Variants in CSMD1 observed in about 807,000 individuals in gnomAD.
The protein encoded by CSMD1 is CUB and sushi domain-containing protein 1.
A neutral mutation model predicts 417.5 loss-of-function variants in CSMD1; 213 were observed. That is an observed-to-expected ratio of 0.51 (90% CI 0.46 to 0.57). The LOEUF (loss-of-function observed/expected upper bound fraction) is 0.57, where lower values mean the gene tolerates loss of function less well. CSMD1 is among the 20% of genes least tolerant of loss of function. The probability of loss-of-function intolerance (pLI) is 0.00; values close to 1 mark genes in which losing one functional copy is unlikely to be tolerated. For missense variants in CSMD1, 6,923 were observed against 4,529.7 expected, an observed-to-expected ratio of 1.53 and a Z score of -15.17; for synonymous variants, 2,862 against 1,736.8, an observed-to-expected ratio of 1.65 and a Z score of -16.11.
intron 2 of CSMD1, among the ~76,000 whole-genome samples, chr8:4,483,987 C>T (rs1383419082): frequency 2.0e-5 from 3 of 152,070 alleles, no homozygotes; most frequent in African/African-American, 7.2e-5. Context: ...GAGAGCACAG[C>T]CCTGGGAGAA....
At chr8:3,345,320 G>A (rs532775247) in intron 22 of CSMD1, among the ~76,000 whole-genome samples, 20 of 152,198 alleles carry the variant, frequency 1.3e-4, no homozygotes, top group African/African-American at 3.4e-4. Flanking sequence ...AAGCTGAATC[G>A]TAAGATTCTT....
intron 1 of CSMD1, among the ~76,000 whole-genome samples, chr8:4,915,813 G>A (rs1361263391): frequency 1.3e-5 from 2 of 152,154 alleles, no homozygotes; most frequent in African/African-American, 2.4e-5. Context: ...TTGGCATCTT[G>A]GCCACACGGA....
At chr8:4,267,068 T>C (rs1804269920) in intron 3 of CSMD1, among the ~76,000 whole-genome samples, 1 of 104,010 alleles carries the variant, frequency 9.6e-6, no homozygotes, top group African/African-American at 2.6e-5. Flanking sequence ...GAGACAAGAA[T>C]AGAGTGTCTG....
At chr8:3,819,562 G>C (rs992282755) in intron 5 of CSMD1, among the ~76,000 whole-genome samples, 8 of 7,620 alleles carry the variant, frequency 1.0e-3, no homozygotes, top group Middle Eastern at 0.1. Context: ...ACACACACAC[G>C]TATGTATATA....
At chr8:3,163,245 G>A (rs551081785) in intron 37 of CSMD1, among the ~76,000 whole-genome samples, 3 of 152,166 alleles carry the variant, frequency 2.0e-5, no homozygotes, top group African/African-American at 7.2e-5. Flanking sequence ...GTGGAGAAAG[G>A]CTTCTCTTGG....
chr8:4,602,075 A>G (rs1027478682), intron 2 of CSMD1, among the ~76,000 whole-genome samples: 4 of 152,230 alleles, frequency 2.6e-5, no homozygotes, highest in Non-Finnish European at 4.4e-5. Flanking sequence ...AGGATGTATT[A>G]GCAAAGTTAC....
At chr8:2,944,000 T>G (rs1034856824) in intron 68 of CSMD1, among the ~76,000 whole-genome samples, 4 of 152,250 alleles carry the variant, frequency 2.6e-5, no homozygotes, top group Admixed American at 2.6e-4. Flanking sequence ...ATAAAAACTT[T>G]CAAATGACAT....
chr8:3,599,607 C>G (rs1350725808), intron 8 of CSMD1, among the ~76,000 whole-genome samples: 1 of 152,198 alleles, frequency 6.6e-6, no homozygotes, highest in Non-Finnish European at 1.5e-5. Context: ...TGTTAATTAA[C>G]CACTTCATGC....
intron 5 of CSMD1, among the ~76,000 whole-genome samples, chr8:3,976,904 T>A (rs1453428606): frequency 6.6e-6 from 1 of 152,154 alleles, no homozygotes; most frequent in Non-Finnish European, 1.5e-5. Flanking sequence ...TGTTTGCAAA[T>A]GACTTGTTAG....
chr8:3,705,666 C>G (rs1395701751), intron 7 of CSMD1, among the ~76,000 whole-genome samples: 1 of 152,230 alleles, frequency 6.6e-6, no homozygotes, highest in African/African-American at 2.4e-5. Flanking sequence ...AGACATTTTC[C>G]ATAAATCTTC....
At chr8:4,375,472 A>C (rs1400701950) in intron 3 of CSMD1, among the ~76,000 whole-genome samples, 1 of 152,154 alleles carries the variant, frequency 6.6e-6, no homozygotes. Flanking sequence ...GTAGTTTTAC[A>C]GTCCATCTTA....
intron 1 of CSMD1, among the ~76,000 whole-genome samples, chr8:4,813,273 T>C (rs1325383102): frequency 6.6e-6 from 1 of 152,174 alleles, no homozygotes; most frequent in Non-Finnish European, 1.5e-5. Context: ...ATGATCTTTC[T>C]GTTAAAAAAT....
chr8:2,962,603 C>T lies in CSMD1; in HGVS notation c.9491G>A (p.Gly3164Glu). The T allele has an allele frequency of 6.2e-7, 1 of 1,613,856 alleles. No homozygotes were observed. The highest frequency in any genetic ancestry group is 8.5e-7 in the Non-Finnish European group (1 of 1,179,836). Residue 3164 changes from glycine (G) to glutamate (E), a missense_variant, in exon 61 of 70, where the codon GGG becomes GAG. Gly to Glu is a moderately conservative substitution (Grantham distance 98). Transcript: ENST00000635120. ...FCGDPGIPAEGRLSGKSFTYK... is the reference protein window; with the variant it reads ...FCGDPGIPAEERLSGKSFTYK... ...GGTGAAACTTTTCCCACTAAGTCGC[C>T]CTTCTGCGGGGATGCCAGGGTCTCC... is the stretch of plus-strand genomic sequence containing the variant.
intron 1 of CSMD1, among the ~76,000 whole-genome samples, chr8:4,802,063 C>G (rs1258214972): frequency 6.6e-6 from 1 of 152,104 alleles, no homozygotes; most frequent in Non-Finnish European, 1.5e-5. Context: ...GCTATATAGC[C>G]TAGTTGAAGT....
intron 23 of CSMD1, among the ~76,000 whole-genome samples, chr8:3,330,741 C>G (rs1457008136): frequency 6.6e-6 from 1 of 152,016 alleles, no homozygotes; most frequent in African/African-American, 2.4e-5. Context: ...TGCCCCAAAC[C>G]TAAAACAAAA....
At chr8:3,281,335 T>A (rs79709074) in intron 26 of CSMD1, among the ~76,000 whole-genome samples, 1 of 151,670 alleles carries the variant, frequency 6.6e-6, no homozygotes, top group Non-Finnish European at 1.5e-5. Flanking sequence ...TCCCAGCTAC[T>A]CGGGAGGCTG....
intron 2 of CSMD1, among the ~76,000 whole-genome samples, chr8:4,520,200 G>A (rs571185342): frequency 1.8e-4 from 27 of 152,180 alleles, no homozygotes; most frequent in Admixed American, 3.3e-4. Flanking sequence ...ATGCAATATC[G>A]TGGCAGAAAG....
chr8:3,502,714 G>C (rs28398164), intron 10 of CSMD1, among the ~76,000 whole-genome samples: 9,276 of 152,292 alleles, frequency 0.061, 309 homozygotes, highest in Middle Eastern at 0.092. Flanking sequence ...AGAAGAGGGA[G>C]GGATGAAGAG....
chr8:3,319,951 T>C (rs1206094267), intron 23 of CSMD1, among the ~76,000 whole-genome samples: 1 of 152,216 alleles, frequency 6.6e-6, no homozygotes, highest in Admixed American at 6.5e-5. Flanking sequence ...GGTTAATTTA[T>C]TGTTATCACC....
Sources: allele counts gnomAD v4.1 joint callset (sites outside exome capture counted in the v4.1 genomes callset), GRCh38; gene constraint gnomAD v4.1.1; transcripts MANE v1.5; gene names NCBI Gene and HGNC (gene_info 2026-07-23, HGNC 2026-07-21).